Variants in CHL1 observed in about 807,000 individuals in gnomAD.
The protein encoded by CHL1 is cell adhesion molecule L1 like.
A neutral mutation model predicts 141.9 loss-of-function variants in CHL1; 96 were observed. The observed-to-expected ratio is 0.68, with a 90% confidence interval of 0.57 to 0.80. CHL1 has a LOEUF of 0.80. Ranked by LOEUF, CHL1 falls within the 30% of genes least tolerant of loss-of-function variation. The pLI, the probability that CHL1 is intolerant of heterozygous loss-of-function variation, is 0.00. For synonymous variants in CHL1, 613 were observed against 502.2 expected, an observed-to-expected ratio of 1.22 and a Z score of -2.95; for missense variants, 1,820 against 1,457.2, an observed-to-expected ratio of 1.25 and a Z score of -4.05.
intron 1 of CHL1, chr3:197,802 A>T (rs1314905179): frequency 4.4e-6 from 2 of 453,862 alleles, no homozygotes; most frequent in African/African-American, 4.1e-5. Flanking sequence ...CTGGTAGCGG[A>T]GCCCGGGGGG....
At chr3:268,491 C>T (rs907855946) in intron 2 of CHL1, among the ~76,000 whole-genome samples, 25 of 151,972 alleles carry the variant, frequency 1.6e-4, no homozygotes, top group African/African-American at 4.6e-4. Context: ...GCTGAGATTG[C>T]GCCACTGCAG....
intron 2 of CHL1, among the ~76,000 whole-genome samples, chr3:260,889 C>G (rs140227223): frequency 6.6e-6 from 1 of 152,320 alleles, no homozygotes; most frequent in East Asian, 1.9e-4. Context: ...CACAAGGCGT[C>G]AGCAGCTCTG....
At chr3:235,953 T>G (rs1341221976) in intron 1 of CHL1, among the ~76,000 whole-genome samples, 1 of 152,168 alleles carries the variant, frequency 6.6e-6, no homozygotes, top group African/African-American at 2.4e-5. Context: ...GAGGTGGGGC[T>G]TTTAAGTTTC....
intron 16 of CHL1, among the ~76,000 whole-genome samples, chr3:381,456 A>G (rs1210589365): frequency 1.3e-5 from 2 of 152,222 alleles, no homozygotes; most frequent in Admixed American, 1.3e-4. Flanking sequence ...CAACCTCCCC[A>G]GTGGCTTGCA....
At chr3:262,730 A>G (rs1349617055) in intron 2 of CHL1, among the ~76,000 whole-genome samples, 2 of 152,216 alleles carry the variant, frequency 1.3e-5, no homozygotes, top group Non-Finnish European at 2.9e-5. Flanking sequence ...GCTGTGTGCC[A>G]AAGCAGAACT....
Position 319,700 on chromosome 3 carries a change from G to C in CHL1, c.-77G>C, listed in dbSNP as rs762140771. 1 of 844,066 alleles carries C rather than the reference G, an allele frequency of 1.2e-6. No homozygotes were observed. The highest frequency in any genetic ancestry group is 2.0e-6 in the Non-Finnish European group (1 of 510,280). 52.3% of individuals were successfully genotyped at this position (844,066 alleles called of 1,614,324 possible). A position where few individuals can be genotyped will look rare whatever the true frequency, so the allele number is the denominator to read the frequency against. ...GTTTTTAGTTTCCAGGTTAACTAAG[G>C]TCTCAGCTGTAAACCAAAAGTGAGA... On this transcript the variant is annotated 5_prime_UTR_variant, in exon 3 of 28. Transcript: ENST00000256509.
chr3:337,019 C>G (rs907835335), intron 5 of CHL1, among the ~76,000 whole-genome samples: 2 of 150,806 alleles, frequency 1.3e-5, no homozygotes, highest in African/African-American at 2.4e-5. Context: ...AGAAATCTGT[C>G]TATGACACTG....
intron 19 of CHL1, chr3:385,584 C>G (rs1208204308): frequency 6.6e-6 from 1 of 152,368 alleles, no homozygotes; most frequent in African/African-American, 2.4e-5. Context: ...AATCCCAGCA[C>G]TTTGGGAGGC....
chr3:352,262 T>C (rs1366982289), intron 10 of CHL1, among the ~76,000 whole-genome samples: 1 of 152,174 alleles, frequency 6.6e-6, no homozygotes. Flanking sequence ...CTAACAAGTT[T>C]TGATTTATTA....
At chr3:261,895 T>G (rs1311047021) in intron 2 of CHL1, among the ~76,000 whole-genome samples, 1 of 151,984 alleles carries the variant, frequency 6.6e-6, no homozygotes, top group African/African-American at 2.4e-5. Flanking sequence ...TAATCGAGTT[T>G]GGGAATTTTT....
intron 1 of CHL1, among the ~76,000 whole-genome samples, chr3:220,421 C>T (rs547243512): frequency 6.6e-6 from 1 of 152,122 alleles, no homozygotes; most frequent in South Asian, 2.1e-4. Flanking sequence ...GCATGGGTGT[C>T]CAACCTTTTG....
intron 1 of CHL1, among the ~76,000 whole-genome samples, chr3:225,891 C>G (rs576257854): frequency 5.8e-4 from 87 of 150,972 alleles, no homozygotes; most frequent in African/African-American, 2.0e-3. Context: ...CACCTGTAGT[C>G]CCAGCTACTC....
intron 15 of CHL1, among the ~76,000 whole-genome samples, chr3:369,475 C>T (rs2125315344): frequency 6.6e-6 from 1 of 152,294 alleles, no homozygotes; most frequent in African/African-American, 2.4e-5. Flanking sequence ...GCTAAAATTG[C>T]TTATCAGTTC....
At chr3:270,204 TGCATAAAG>T (rs1245181286) in intron 2 of CHL1, among the ~76,000 whole-genome samples, 1 of 151,688 alleles carries the variant, frequency 6.6e-6, no homozygotes, top group Non-Finnish European at 1.5e-5. Context: ...AAGAATCAAA[TGCATAAAG>T]GCATGGGAAA....
chr3:320,102 A>G (rs181115691), intron 3 of CHL1, among the ~76,000 whole-genome samples: 3 of 152,040 alleles, frequency 2.0e-5, no homozygotes, highest in Non-Finnish European at 4.4e-5. Context: ...TTAGAACATA[A>G]CAAGAATAGT....
chr3:235,197 G>A (rs762688442), intron 1 of CHL1, among the ~76,000 whole-genome samples: 7 of 151,538 alleles, frequency 4.6e-5, no homozygotes, highest in Non-Finnish European at 7.4e-5. Flanking sequence ...CTAATCTTGC[G>A]GCCATAAAGA....
Position 286,220 on chromosome 3 carries a change from G to A in CHL1, c.-94-33463G>A, listed in dbSNP as rs182660727. On this transcript the variant is annotated intron_variant, in intron 2 of 27. Transcript: ENST00000256509. ...CAACCCTTAATGTTTTTTGTTATTC[G>A]CAGGGGGTCCTGATCCATGCCCCAA... Among the ~76,000 whole-genome samples the A allele has an allele frequency of 5.3e-5, 8 of 152,090 alleles. No homozygotes were observed. The East Asian group carries it at 5.8e-4, about 11-fold the overall frequency.
At position 360,524 on chromosome 3, in the gene CHL1, A is replaced by T. The variant is rs555401403; in HGVS notation, c.1306+100A>T. The T allele has an allele frequency of 5.0e-6, 6 of 1,197,444 alleles. No individual in the cohort carries two copies. In the Admixed American group the frequency reaches 1.5e-4, roughly 29 times the overall value. 74.2% of individuals were successfully genotyped at this position (1,197,444 alleles called of 1,614,324 possible). ...TTAACTCTTGACACATAATATATGG[A>T]GGGAAAAATCAAACTACTTTTCACC... On this transcript the variant is annotated intron_variant, in intron 12 of 27. Coordinates refer to ENST00000256509, the MANE Select transcript of CHL1 (RefSeq NM_006614.4).
intron 15 of CHL1, among the ~76,000 whole-genome samples, chr3:377,168 C>A (rs1332313078): frequency 6.6e-6 from 1 of 152,134 alleles, no homozygotes; most frequent in Non-Finnish European, 1.5e-5. Flanking sequence ...AAGCAGTTTT[C>A]TCATAGTAAA....
Sources: gnomAD v4.1 joint callset for allele counts (sites outside exome capture counted in the v4.1 genomes callset) on GRCh38, gnomAD v4.1.1 for gene constraint, MANE v1.5 for transcripts, NCBI Gene and HGNC (gene_info 2026-07-23, HGNC 2026-07-21) for gene names.